The following USP47 variants were observed in gnomAD, a reference collection of about 807,000 sequenced individuals.
USP47 encodes the protein ubiquitin specific peptidase 47, also known as ubiquitin carboxyl-terminal hydrolase 47.
Under a neutral mutation model 165.1 loss-of-function variants are expected in USP47, and 35 were observed. The ratio of observed to expected loss-of-function variants is 0.21; its 90% confidence interval spans 0.16 to 0.28. The LOEUF (loss-of-function observed/expected upper bound fraction) is 0.28, where lower values mean the gene tolerates loss of function less well. Ranked by LOEUF, USP47 falls within the 10% of genes least tolerant of loss-of-function variation. USP47 has a pLI of 1.00. For synonymous variants in USP47, 531 were observed against 544.5 expected (o/e 0.98, Z 0.35); for missense variants, 1,277 against 1,607.4 (o/e 0.79, Z 3.52).
chr11:11,860,674 C>G (rs1849329358), intron 1 of USP47, among the ~76,000 whole-genome samples: 1 of 152,092 alleles, frequency 6.6e-6, no homozygotes, highest in African/African-American at 2.4e-5. Context: ...TGAGTCACTG[C>G]TTGTCAACAA....
intron 5 of USP47, among the ~76,000 whole-genome samples, chr11:11,898,127 G>A (rs930072235): frequency 7.5e-5 from 7 of 93,598 alleles, no homozygotes; most frequent in African/African-American, 2.0e-4. Flanking sequence ...TTTCATGTGC[G>A]TGTGTGTGCG....
intron 16 of USP47, among the ~76,000 whole-genome samples, chr11:11,936,064 G>C (rs1479193597): frequency 2.0e-5 from 3 of 151,658 alleles, no homozygotes; most frequent in African/African-American, 7.3e-5. Flanking sequence ...AATAAAAAAT[G>C]TATTTAGTAC....
At chr11:11,893,414 A>C (rs567899042) in intron 4 of USP47, among the ~76,000 whole-genome samples, 36 of 152,294 alleles carry the variant, frequency 2.4e-4, no homozygotes, top group African/African-American at 8.2e-4. Flanking sequence ...ATAGTGTTAC[A>C]TTGCAGATTG....
At chr11:11,869,868 T>TG (rs1849922355) in intron 1 of USP47, among the ~76,000 whole-genome samples, 2 of 152,196 alleles carry the variant, frequency 1.3e-5, no homozygotes, top group Admixed American at 6.5e-5. Context: ...TCTTGCACCA[T>TG]GTGATGCCTT....
intron 1 of USP47, among the ~76,000 whole-genome samples, chr11:11,869,749 A>G (rs1030996755): frequency 6.6e-6 from 1 of 152,200 alleles, no homozygotes; most frequent in Admixed American, 6.5e-5. Context: ...AGAGATGTCA[A>G]ATACCTTTAA....
chr11:11,868,735 C>G (rs1415474162), intron 1 of USP47, among the ~76,000 whole-genome samples: 1 of 151,196 alleles, frequency 6.6e-6, no homozygotes, highest in Non-Finnish European at 1.5e-5. Context: ...AATAGCTGTA[C>G]CATTTTACAG....
rs764560624 is a variant in USP47, at chr11:11,884,459, G to T, written c.244-8G>T. The T allele has an allele frequency of 6.4e-7, 1 of 1,567,726 alleles. No individual in the cohort carries two copies. Among genetic ancestry groups the T allele is most frequent in the South Asian group, 1.2e-5 (1 of 82,990 alleles). ...CATAATCTGAAACATTATGTTTTATGTCCATAGGCACCACTGGATCATACC... is the reference window on the plus strand; with the variant it reads ...CATAATCTGAAACATTATGTTTTATTTCCATAGGCACCACTGGATCATACC... On this transcript the variant is annotated splice_polypyrimidine_tract_variant and splice_region_variant and intron_variant, in intron 2 of 27. Transcript: ENST00000527733.
chr11:11,917,712 G>C (rs561590951), intron 8 of USP47, among the ~76,000 whole-genome samples: 1 of 152,084 alleles, frequency 6.6e-6, no homozygotes, highest in African/African-American at 2.4e-5. Flanking sequence ...AGTAACTGTA[G>C]AATAAAATTA....
chr11:11,862,218 CTT>C lies in USP47; in HGVS notation c.40-17957_40-17956del, dbSNP rs202198881. ...CTAGAAATTAAGTTTTTAAAGCACA[CTT>C]TATGCTTCCAAAAGCATCAGCTATA... On this transcript the variant is annotated intron_variant, in intron 1 of 27. Transcript: ENST00000527733. Among the ~76,000 whole-genome samples, 1,326 of 152,192 alleles carry C rather than the reference CTT, an allele frequency of 8.7e-3. 17 individuals carry two copies. Among genetic ancestry groups the C allele is most frequent in the South Asian group, 0.025 (122 of 4,826 alleles).
chr11:11,922,926 TGAGA>T, intron 11 of USP47, 35 bp downstream of exon 11: 1 of 1,588,766 alleles, frequency 6.3e-7, no homozygotes, highest in Non-Finnish European at 8.6e-7. Flanking sequence ...TAGTTGAAAG[TGAGA>T]ATAATCTCTG....
intron 27 of USP47, 146 bp from the exon 28 acceptor site, chr11:11,955,855 C>A: frequency 1.5e-6 from 1 of 647,792 alleles, no homozygotes; most frequent in Non-Finnish European, 2.5e-6. Context: ...CCTTAGAAAT[C>A]TGGGACATCT....
intron 8 of USP47, among the ~76,000 whole-genome samples, chr11:11,914,570 C>T (rs761856936): frequency 7.9e-5 from 12 of 152,086 alleles, no homozygotes; most frequent in Non-Finnish European, 1.5e-4. Flanking sequence ...TATTTACTCT[C>T]TGAAAGCCCA....
Position 11,958,203 on chromosome 11 carries a change from A to C in USP47, c.*2028A>C, listed in dbSNP as rs1473947008. ...TTGGGTTTGGTTTAGTATTCCTATG[A>C]GCGTAAATGGTAAAATTCTTCTGAT... On this transcript the variant is annotated 3_prime_UTR_variant, in exon 28 of 28. Transcript: ENST00000527733. The C allele has an allele frequency of 6.6e-6, 1 of 152,198 alleles. No individual in the cohort carries two copies. The highest frequency in any genetic ancestry group is 2.4e-5 in the African/African-American group (1 of 41,460). 9.4% of individuals were successfully genotyped at this position (152,198 alleles called of 1,614,324 possible).
intron 5 of USP47, among the ~76,000 whole-genome samples, chr11:11,898,606 A>G (rs1277350641): frequency 6.6e-6 from 1 of 152,184 alleles, no homozygotes; most frequent in Non-Finnish European, 1.5e-5. Flanking sequence ...AATTAGTAAT[A>G]AGATCTTTGT....
At chr11:11,844,163 T>G (rs1393393288) in intron 1 of USP47, among the ~76,000 whole-genome samples, 1 of 152,156 alleles carries the variant, frequency 6.6e-6, no homozygotes, top group Non-Finnish European at 1.5e-5. Context: ...GACCAAATTC[T>G]TTGACTTTTT....
intron 1 of USP47, among the ~76,000 whole-genome samples, chr11:11,875,071 G>GTT (rs1850319063): frequency 1.1e-5 from 1 of 94,516 alleles, no homozygotes; most frequent in African/African-American, 3.5e-5. Flanking sequence ...GTGTGTGTGT[G>GTT]TGTGTGTGTG....
At chr11:11,862,071 G>C (rs1356776737) in intron 1 of USP47, among the ~76,000 whole-genome samples, 1 of 148,872 alleles carries the variant, frequency 6.7e-6, no homozygotes, top group Admixed American at 6.7e-5. Flanking sequence ...TGAATTAAAA[G>C]AGCCAATTAA....
At chr11:11,858,379 G>C (rs1297894041) in intron 1 of USP47, among the ~76,000 whole-genome samples, 1 of 151,974 alleles carries the variant, frequency 6.6e-6, no homozygotes, top group Non-Finnish European at 1.5e-5. Context: ...TTTTAAATCA[G>C]TGTTACTGAG....
rs146320577 is a variant in USP47 at position 11,867,563 on chromosome 11, A to G, written c.40-12614A>G. Among the ~76,000 whole-genome samples, 1,285 of 152,136 alleles carry G rather than the reference A, an allele frequency of 8.4e-3. 11 individuals carry two copies. Among genetic ancestry groups the G allele is most frequent in the African/African-American group, 0.029 (1,214 of 41,486 alleles). On this transcript the variant is annotated intron_variant, in intron 1 of 27. Coordinates refer to ENST00000527733, the MANE Select transcript of USP47 (RefSeq NM_001282659.2). The stretch of plus-strand genomic sequence containing the variant: ...TTCTGCTCAGACTCAATTTTGAACC[A>G]CTTTTTTATTTCTTGAAGCATGTTA...
Sources: allele counts gnomAD v4.1 joint callset (sites outside exome capture counted in the v4.1 genomes callset), GRCh38; gene constraint gnomAD v4.1.1; transcripts MANE v1.5; gene names NCBI Gene and HGNC (gene_info 2026-07-23, HGNC 2026-07-21).